Variants in ZPBP observed in about 807,000 individuals in gnomAD.
ZPBP encodes zona pellucida binding protein.
In ZPBP, 26 loss-of-function variants were observed where a neutral mutation model predicts 44.8. The observed-to-expected ratio is 0.58, with a 90% CI of 0.43 to 0.81. ZPBP has a LOEUF of 0.81. Ranked by LOEUF, ZPBP falls within the 30% of genes least tolerant of loss-of-function variation. ZPBP has a pLI of 0.00. For missense variants in ZPBP, 409 were observed against 434.0 expected (o/e 0.94, Z 0.51); for synonymous variants, 174 against 153.2 (o/e 1.14, Z -1.00).
At chr7:49,952,091 A>G (rs900595326) in intron 7 of ZPBP, among the ~76,000 whole-genome samples, 2 of 151,974 alleles carry the variant, frequency 1.3e-5, no homozygotes, top group African/African-American at 4.8e-5. Context: ...TAACTTTTTA[A>G]TAAGTACGGG....
intron 3 of ZPBP, among the ~76,000 whole-genome samples, chr7:50,080,121 T>C (rs1048181437): frequency 6.6e-6 from 1 of 151,742 alleles, no homozygotes; most frequent in Non-Finnish European, 1.5e-5. Context: ...CATAAAATGA[T>C]AAGTACAGTG....
At chr7:50,004,246 T>C (rs572729023) in intron 6 of ZPBP, among the ~76,000 whole-genome samples, 4 of 152,224 alleles carry the variant, frequency 2.6e-5, no homozygotes, top group African/African-American at 9.6e-5. Flanking sequence ...TCTTTTTTTT[T>C]TCTTCCCATG....
chr7:49,977,068 C>T (rs1045995980), intron 7 of ZPBP, among the ~76,000 whole-genome samples: 4 of 148,270 alleles, frequency 2.7e-5, no homozygotes, highest in Non-Finnish European at 5.9e-5. Flanking sequence ...CGCCACTGCA[C>T]TCCAGCCTGG....
In ZPBP at chr7:49,982,347, A is replaced by G. The variant is rs113079112; in HGVS notation, c.961+995T>C. Among the ~76,000 whole-genome samples, 8 of 128,904 alleles carry G rather than the reference A, an allele frequency of 6.2e-5. No individual in the cohort carries two copies. The East Asian group carries it at 1.2e-3, about 20-fold the overall frequency. 84.6% of individuals were successfully genotyped at this position (128,904 alleles called of 152,430 possible). A position where few individuals can be genotyped will look rare whatever the true frequency, so the allele number is the denominator to read the frequency against. On this transcript the variant is annotated intron_variant, in intron 7 of 7. Transcript: ENST00000046087. ...AATTATATAATATATAATACATAAT[A>G]TATAATTATATATAATATATAATAC...
At chr7:49,879,588 C>T (rs1490360758) in intron 2 of ZPBP, among the ~76,000 whole-genome samples, 1 of 152,154 alleles carries the variant, frequency 6.6e-6, no homozygotes, top group Non-Finnish European at 1.5e-5. Flanking sequence ...CGCAGCACTT[C>T]TGGGTCCTGA....
At chr7:50,064,486 C>G (rs1429405240) in intron 3 of ZPBP, among the ~76,000 whole-genome samples, 1 of 152,146 alleles carries the variant, frequency 6.6e-6, no homozygotes, top group Non-Finnish European at 1.5e-5. Context: ...CTATGGGAGA[C>G]TGGAGTTTAT....
At chr7:49,885,255 T>C (rs1405400461) in intron 2 of ZPBP, among the ~76,000 whole-genome samples, 1 of 152,124 alleles carries the variant, frequency 6.6e-6, no homozygotes, top group Non-Finnish European at 1.5e-5. Context: ...GCGAGTAATA[T>C]GTCTCTAGTT....
intron 3 of ZPBP, 70 bp from the exon 4 acceptor site, chr7:50,058,211 A>T (rs1483195906): frequency 8.5e-6 from 13 of 1,520,672 alleles, no homozygotes; most frequent in African/African-American, 1.4e-5. Flanking sequence ...TTTTCTCAGC[A>T]AGGTAAAACC....
chr7:50,090,595 GTA>G (rs1408801486), intron 1 of ZPBP, among the ~76,000 whole-genome samples: 4 of 137,536 alleles, frequency 2.9e-5, no homozygotes, highest in Admixed American at 7.7e-5. Context: ...ATATATATGC[GTA>G]TATATGCGTA....
At chr7:49,948,011 C>A (rs1001033910) in intron 7 of ZPBP, among the ~76,000 whole-genome samples, 1 of 152,204 alleles carries the variant, frequency 6.6e-6, no homozygotes, top group Non-Finnish European at 1.5e-5. Context: ...GCCTGGCTAC[C>A]ACCAATGTTC....
chr7:49,973,137 GA>G (rs1796366630), intron 7 of ZPBP, among the ~76,000 whole-genome samples: 4 of 151,802 alleles, frequency 2.6e-5, no homozygotes, highest in South Asian at 2.1e-4. Context: ...GACACTGGGG[GA>G]AAGTCTGATG....
chr7:49,885,225 T>C (rs1791846380), intron 2 of ZPBP, among the ~76,000 whole-genome samples: 1 of 152,146 alleles, frequency 6.6e-6, no homozygotes, highest in Non-Finnish European at 1.5e-5. Flanking sequence ...TTAATGTAAC[T>C]TCCACAAGGC....
intron 6 of ZPBP, among the ~76,000 whole-genome samples, chr7:50,009,744 A>C (rs1798485552): frequency 6.6e-6 from 1 of 152,134 alleles, no homozygotes; most frequent in South Asian, 2.1e-4. Flanking sequence ...AATGCAAAAC[A>C]AAACAAAACA....
rs144306680 is a variant in ZPBP at position 50,035,684 on chromosome 7, T to C, written c.488-4374A>G. 7.6e-4 allele frequency among the ~76,000 whole-genome samples: 115 copies of C among 152,124 alleles called. 1 individual carries two copies. Among genetic ancestry groups the C allele is most frequent in the African/African-American group, 2.6e-3 (109 of 41,502 alleles). On this transcript the variant is annotated intron_variant, in intron 4 of 7. Coordinates refer to ENST00000046087, the MANE Select transcript of ZPBP (RefSeq NM_007009.3). ...TCAAAGATAACAGTATTAAGAAAAA[T>C]GCAAATTATAAGTGATACAGTTTTT...
chr7:49,965,810 C>T (rs1246419860), intron 7 of ZPBP, among the ~76,000 whole-genome samples: 2 of 151,992 alleles, frequency 1.3e-5, no homozygotes, highest in Non-Finnish European at 2.9e-5. Flanking sequence ...TACAATATTA[C>T]TTGAAGGTGG....
intron 4 of ZPBP, among the ~76,000 whole-genome samples, chr7:50,040,222 A>G (rs969738659): frequency 2.6e-5 from 4 of 152,250 alleles, no homozygotes; most frequent in Non-Finnish European, 5.9e-5. Context: ...CAACTACACT[A>G]TATATTGTCT....
intron 1 of ZPBP, chr7:49,915,864 C>T (rs1168094264): frequency 6.6e-6 from 1 of 152,110 alleles, no homozygotes; most frequent in Non-Finnish European, 1.5e-5. Flanking sequence ...TAAAAACATA[C>T]ATGCTTCTTT....
chr7:50,075,020 C>CT, intron 3 of ZPBP, among the ~76,000 whole-genome samples: 1 of 151,794 alleles, frequency 6.6e-6, no homozygotes, highest in East Asian at 1.9e-4. Flanking sequence ...TATATTAGGT[C>CT]ACAAAACAAG....
Position 50,081,832 on chromosome 7 carries a change from A to T in ZPBP, c.276T>A (p.Asn92Lys). Residue 92 changes from asparagine to lysine, a missense_variant, in exon 3 of 8, where the codon AAT (asparagine) becomes AAA (lysine). Coordinates refer to ENST00000046087, the MANE Select transcript of ZPBP (RefSeq NM_007009.3). ...HVLCVTQQLR[N>K]AELIDPSFQW... is the part of the protein sequence containing the mutation. The stretch of plus-strand genomic sequence containing the variant: ...GGAATGATGGGTCTATCAGTTCAGC[A>T]TTTCGCAGTTGTTGCGTTACACATA... 1 of 1,611,694 alleles carries T rather than the reference A, an allele frequency of 6.2e-7. No individual in the cohort carries two copies. The highest frequency in any genetic ancestry group is 2.2e-5 in the East Asian group (1 of 44,758).
Sources: gnomAD v4.1 joint callset for allele counts (sites outside exome capture counted in the v4.1 genomes callset) on GRCh38, gnomAD v4.1.1 for gene constraint, MANE v1.5 for transcripts, NCBI Gene and HGNC (gene_info 2026-07-23, HGNC 2026-07-21) for gene names.